Variants in CUX1 observed in about 807,000 individuals in gnomAD.
CUX1 encodes protein CASP.
A neutral mutation model predicts 158.8 loss-of-function variants in CUX1; 31 were observed. The ratio of observed to expected loss-of-function variants is 0.20; its 90% CI spans 0.15 to 0.26. The LOEUF (loss-of-function observed/expected upper bound fraction) is 0.26, where lower values mean the gene tolerates loss of function less well. Ranked by LOEUF, CUX1 falls within the 10% of genes least tolerant of loss-of-function variation. The pLI is 1.00. For synonymous variants in CUX1, 879 were observed against 862.1 expected, an observed-to-expected ratio of 1.02 and a Z score of -0.34; for missense variants, 1,589 against 2,014.6, an observed-to-expected ratio of 0.79 and a Z score of 4.04.
chr7:101,846,282 A>T (rs752927946), intron 1 of CUX1, among the ~76,000 whole-genome samples: 2 of 151,460 alleles, frequency 1.3e-5, no homozygotes, highest in Non-Finnish European at 2.9e-5. Context: ...TAAACAGGGG[A>T]GTTCCCGAGC....
intron 2 of CUX1, among the ~76,000 whole-genome samples, chr7:101,973,177 CT>C (rs1486233065): frequency 6.6e-6 from 1 of 152,156 alleles, no homozygotes; most frequent in Non-Finnish European, 1.5e-5. Context: ...GCCAGGCCTG[CT>C]TTTCCTGGCA....
intron 3 of CUX1, among the ~76,000 whole-genome samples, chr7:102,046,595 T>G: frequency 1.4e-5 from 1 of 72,358 alleles, no homozygotes; most frequent in African/African-American, 5.1e-5. Flanking sequence ...TTTTTTTTTT[T>G]TGAGACAGTC....
Position 102,196,959 on chromosome 7 carries a change from C to T in CUX1, c.1548C>T (p.Ser516=), listed in dbSNP as rs1794865625. ...IFSTGPYSTN[S]ISSQSPLQQS... ...CAACAGGTCCATACAGCACAAACTC[C>T]ATATCTTCCCAAAGTCCATTACAAC... Residue 516 remains serine (S), a synonymous_variant, in exon 15 of 24, where the codon TCC becomes TCT. Coordinates refer to ENST00000292535, the MANE Select transcript of CUX1 (RefSeq NM_181552.4). 1 of 1,614,082 alleles carries T rather than the reference C, an allele frequency of 6.2e-7. No homozygotes were observed. Among genetic ancestry groups the T allele is most frequent in the African/African-American group, 1.3e-5 (1 of 74,932 alleles).
intron 6 of CUX1, among the ~76,000 whole-genome samples, chr7:102,108,771 T>TGTGTGTGTGTGTGTGTGTG (rs1554489271): frequency 2.6e-5 from 4 of 151,112 alleles, no homozygotes; most frequent in South Asian, 2.1e-4. Flanking sequence ...TGTGTGTGTG[T>TGTGTGTGTGTGTGTGTGTG]TTTGAGACAA....
chr7:102,236,815 A>G (rs782072297), intron 22 of CUX1, among the ~76,000 whole-genome samples: 3 of 151,982 alleles, frequency 2.0e-5, no homozygotes, highest in Non-Finnish European at 2.9e-5. Flanking sequence ...CCCCGCAAAT[A>G]CATCTCCAGG....
intron 1 of CUX1, among the ~76,000 whole-genome samples, chr7:101,839,462 C>T (rs1794987782): frequency 6.6e-6 from 1 of 152,206 alleles, no homozygotes; most frequent in Non-Finnish European, 1.5e-5. Context: ...CTCCCCCACC[C>T]ACAGTCGTGA....
intron 2 of CUX1, among the ~76,000 whole-genome samples, chr7:101,984,326 CT>C (rs1691577933): frequency 1.3e-5 from 2 of 150,378 alleles, no homozygotes; most frequent in African/African-American, 4.9e-5. Flanking sequence ...GCTGACTCAC[CT>C]TTCCAAACTT....
chr7:102,031,322 GTGAGTGCTGGGATTACAGGCA>G (rs1481463030), intron 3 of CUX1, among the ~76,000 whole-genome samples: 1 of 152,012 alleles, frequency 6.6e-6, no homozygotes. Context: ...GCCTCCCAGA[GTGAGTGCTGGGATTACAGGCA>G]TGAGCCACCG....
intron 6 of CUX1, among the ~76,000 whole-genome samples, chr7:102,105,216 G>T (rs896303015): frequency 1.5e-5 from 2 of 129,750 alleles, no homozygotes; most frequent in South Asian, 2.7e-4. Context: ...CACACACACA[G>T]ACTCTCTGAT....
intron 2 of CUX1, among the ~76,000 whole-genome samples, chr7:101,970,369 C>T (rs935741657): frequency 3.9e-5 from 6 of 152,040 alleles, no homozygotes; most frequent in Admixed American, 1.3e-4. Context: ...CCCGGGGGTG[C>T]GTTGGAGGGG....
At chr7:102,273,389 C>T (rs781854907) in exon 15 of CUX1, 11 of 1,612,302 alleles carry the variant, frequency 6.8e-6, no homozygotes, top group African/African-American at 2.7e-5. Flanking sequence ...GCTGCAAGTC[C>T]GTATCACTGA....
Position 102,070,354 on chromosome 7 carries a change from A to G in CUX1, c.205A>G (p.Lys69Glu). Residue 69 changes from lysine to glutamate, a missense_variant, in exon 4 of 24, where the codon AAA (lysine) becomes GAA (glutamate). By Grantham distance (56) the Lys-to-Glu change is moderately conservative. Coordinates refer to ENST00000292535, the MANE Select transcript of CUX1 (RefSeq NM_181552.4). The stretch of plus-strand genomic sequence containing the variant: ...TCCCTTTCAGATTGATGCACTGAGT[A>G]AAAGAAGCAAGGAAGCTGAAGCAGC... ...SFQGEIDALSKRSKEAEAAFL... is the reference protein window; with the variant it reads ...SFQGEIDALSERSKEAEAAFL... 6.2e-7 allele frequency: 1 copy of G among 1,609,086 alleles called. No individual in the cohort carries two copies. Among genetic ancestry groups the G allele is most frequent in the Non-Finnish European group, 8.5e-7 (1 of 1,179,018 alleles).
chr7:101,871,151 AT>A (rs1798481335), intron 1 of CUX1, among the ~76,000 whole-genome samples: 1 of 152,110 alleles, frequency 6.6e-6, no homozygotes, highest in African/African-American at 2.4e-5. Flanking sequence ...TGATCCTAGC[AT>A]CCGTGGTTCA....
chr7:102,082,190 T>G lies in CUX1; in HGVS notation c.268+11773T>G, dbSNP rs1396615229. ...CAGCAGGCAGACGGGTCTACGTCAG[T>G]GGTCTCCAAACTACTTTTGCTTATG... On this transcript the variant is annotated intron_variant, in intron 4 of 23. Transcript: ENST00000292535. Among the ~76,000 whole-genome samples the G allele has an allele frequency of 2.0e-5, 3 of 146,920 alleles. 1 individual carries two copies. Among genetic ancestry groups the G allele is most frequent in the Non-Finnish European group, 4.6e-5 (3 of 65,050 alleles).
rs55733311 is a variant in CUX1 at position 101,959,238 on chromosome 7, A to AGTGTGTGT, written c.141+43043_141+43050dup. Among the ~76,000 whole-genome samples the AGTGTGTGT allele has an allele frequency of 1.3e-3, 196 of 145,812 alleles. 1 individual carries two copies. Among genetic ancestry groups the AGTGTGTGT allele is most frequent in the Admixed American group, 2.9e-3 (42 of 14,436 alleles). ...TCCTTACCTAGCTCTATGTGTGTGC[A>AGTGTGTGT]GTGTGTGTGTGTGTGTGTGTGTGTG... On this transcript the variant is annotated intron_variant, in intron 2 of 23. Transcript: ENST00000292535.
intron 8 of CUX1, among the ~76,000 whole-genome samples, chr7:102,150,774 ATG>A (rs1835560278): frequency 6.6e-6 from 1 of 152,208 alleles, no homozygotes; most frequent in African/African-American, 2.4e-5. Flanking sequence ...ATACCCTGAA[ATG>A]ATCTGTGGTG....
At chr7:102,270,890 C>G (rs1791166756) in intron 14 of CUX1, among the ~76,000 whole-genome samples, 1 of 152,146 alleles carries the variant, frequency 6.6e-6, no homozygotes, top group Non-Finnish European at 1.5e-5. Flanking sequence ...GTGTGCCCAC[C>G]CCTGCAGTAG....
chr7:102,172,126 C>G (rs1295345685), intron 10 of CUX1, among the ~76,000 whole-genome samples: 1 of 152,192 alleles, frequency 6.6e-6, no homozygotes, highest in Non-Finnish European at 1.5e-5. Flanking sequence ...TCTTCTGTCG[C>G]CCAGGCTGGA....
intron 2 of CUX1, among the ~76,000 whole-genome samples, chr7:101,948,428 C>T (rs2129150364): frequency 6.6e-6 from 1 of 151,824 alleles, no homozygotes; most frequent in East Asian, 1.9e-4. Context: ...CATAGGGGAA[C>T]GTGGTGCCTC....
Sources: gnomAD v4.1 joint callset for allele counts (sites outside exome capture counted in the v4.1 genomes callset) on GRCh38, gnomAD v4.1.1 for gene constraint, MANE v1.5 for transcripts, NCBI Gene and HGNC (gene_info 2026-07-23, HGNC 2026-07-21) for gene names.